The following RIT2 variants were observed in gnomAD, a reference collection of about 807,000 sequenced individuals.
RIT2 encodes Ras like without CAAX 2.
A neutral mutation model predicts 23.7 loss-of-function variants in RIT2; 24 were observed. The ratio of observed to expected loss-of-function variants is 1.01; its 90% CI spans 0.73 to 1.43. The LOEUF is 1.43. Among genes scored for constraint, RIT2 ranks in the 40% most tolerant of loss-of-function variants. RIT2 has a pLI of 0.00. For synonymous variants in RIT2, 107 were observed against 91.1 expected (o/e 1.17, Z -0.99); for missense variants, 236 against 266.9 (o/e 0.88, Z 0.81).
chr18:42,995,583 T>C (rs893177745), intron 2 of RIT2, among the ~76,000 whole-genome samples: 4 of 152,200 alleles, frequency 2.6e-5, no homozygotes, highest in African/African-American at 9.7e-5. Context: ...GAAACCTTTA[T>C]ATCCCTTACA....
At chr18:43,106,973 G>T (rs988180644) in intron 1 of RIT2, among the ~76,000 whole-genome samples, 2 of 152,162 alleles carry the variant, frequency 1.3e-5, no homozygotes, top group Admixed American at 1.3e-4. Flanking sequence ...GATGGGCTTT[G>T]CAAATAGCCA....
At chr18:42,795,007 T>A (rs556412115) in intron 4 of RIT2, among the ~76,000 whole-genome samples, 1 of 151,292 alleles carries the variant, frequency 6.6e-6, no homozygotes, top group Non-Finnish European at 1.5e-5. Flanking sequence ...AATGTTTTTC[T>A]TTTTTTGAAA....
intron 1 of RIT2, among the ~76,000 whole-genome samples, chr18:43,079,967 A>G (rs1192285431): frequency 6.6e-6 from 1 of 152,230 alleles, no homozygotes; most frequent in Non-Finnish European, 1.5e-5. Flanking sequence ...ACATGTGATG[A>G]CAGTTGCTAT....
intron 1 of RIT2, among the ~76,000 whole-genome samples, chr18:43,062,552 C>T (rs1912672599): frequency 6.6e-6 from 1 of 152,160 alleles, no homozygotes; most frequent in Non-Finnish European, 1.5e-5. Flanking sequence ...TATGAATTCT[C>T]AAATTGCATA....
rs2144054561 is a variant in RIT2 at position 42,864,908 on chromosome 18, T to C, written c.426+58664A>G. On this transcript the variant is annotated intron_variant, in intron 4 of 4. Transcript: ENST00000326695. ...ATCTTTGCCTATGTATGGAAATGTA[T>C]GCCTTGTATAAAAAGCCCCAACCAC... is the stretch of plus-strand genomic sequence containing the variant. Among the ~76,000 whole-genome samples the C allele has an allele frequency of 2.0e-5, 3 of 152,290 alleles. No individual in the cohort carries two copies. The South Asian group carries it at 6.2e-4, about 32-fold the overall frequency.
chr18:42,841,691 T>C (rs1906772408), intron 4 of RIT2, among the ~76,000 whole-genome samples: 1 of 152,198 alleles, frequency 6.6e-6, no homozygotes, highest in Non-Finnish European at 1.5e-5. Context: ...GAAATAAGTT[T>C]ATTAATTTAG....
intron 3 of RIT2, among the ~76,000 whole-genome samples, chr18:42,955,798 A>T (rs1347327832): frequency 6.6e-6 from 1 of 152,132 alleles, no homozygotes; most frequent in African/African-American, 2.4e-5. Flanking sequence ...TAAGTCCAAA[A>T]CATTTACTTC....
chr18:43,039,900 A>T (rs1159889089), intron 1 of RIT2, among the ~76,000 whole-genome samples: 1 of 152,166 alleles, frequency 6.6e-6, no homozygotes, highest in Non-Finnish European at 1.5e-5. Flanking sequence ...TAATTTTTTC[A>T]TGGAGAATTT....
chr18:42,766,694 C>T (rs1387496183), intron 4 of RIT2, among the ~76,000 whole-genome samples: 2 of 152,184 alleles, frequency 1.3e-5, no homozygotes, highest in Non-Finnish European at 2.9e-5. Flanking sequence ...GTCTCCAGGC[C>T]ATGTCAGAGA....
chr18:42,786,393 A>T (rs2143939781), intron 4 of RIT2, among the ~76,000 whole-genome samples: 1 of 152,322 alleles, frequency 6.6e-6, no homozygotes, highest in South Asian at 2.1e-4. Context: ...AAGTAAATAT[A>T]TTTATAGAAT....
chr18:43,100,917 A>G (rs1913667717), intron 1 of RIT2, among the ~76,000 whole-genome samples: 1 of 152,012 alleles, frequency 6.6e-6, no homozygotes, highest in South Asian at 2.1e-4. Context: ...GAGACTACGT[A>G]GGTGATCTTT....
At chr18:42,994,204 C>A (rs1043240493) in intron 2 of RIT2, among the ~76,000 whole-genome samples, 4 of 152,142 alleles carry the variant, frequency 2.6e-5, no homozygotes, top group African/African-American at 9.7e-5. Flanking sequence ...ACCTTGACAC[C>A]CACCAGGCTC....
chr18:42,763,100 T>G (rs1287542083), intron 4 of RIT2, among the ~76,000 whole-genome samples: 2 of 152,170 alleles, frequency 1.3e-5, no homozygotes, highest in Non-Finnish European at 2.9e-5. Flanking sequence ...TGGGCAATTG[T>G]AGCACAATAG....
intron 1 of RIT2, among the ~76,000 whole-genome samples, chr18:43,075,286 G>GT (rs1188275149): frequency 6.6e-6 from 1 of 151,964 alleles, no homozygotes; most frequent in Non-Finnish European, 1.5e-5. Flanking sequence ...ATAAAAATCA[G>GT]TTTTTTCACA....
At chr18:42,975,361 G>A (rs553439196) in intron 2 of RIT2, among the ~76,000 whole-genome samples, 4 of 152,124 alleles carry the variant, frequency 2.6e-5, no homozygotes, top group Admixed American at 1.3e-4. Context: ...TTGTATCCCA[G>A]GGATGAGGCC....
chr18:42,905,977 A>AATATATAT (rs1186458445), intron 4 of RIT2, among the ~76,000 whole-genome samples: 1 of 134,616 alleles, frequency 7.4e-6, no homozygotes, highest in African/African-American at 2.8e-5. Flanking sequence ...AGCAAATTGA[A>AATATATAT]ATATATATAT....
intron 2 of RIT2, among the ~76,000 whole-genome samples, chr18:42,992,005 T>C (rs1910862710): frequency 6.6e-6 from 1 of 152,072 alleles, no homozygotes; most frequent in Non-Finnish European, 1.5e-5. Context: ...CGACCTCTTA[T>C]GTCTGTGCCC....
intron 3 of RIT2, among the ~76,000 whole-genome samples, chr18:42,928,449 T>G (rs1909238277): frequency 6.6e-6 from 1 of 152,068 alleles, no homozygotes; most frequent in African/African-American, 2.4e-5. Context: ...AGATTATGTA[T>G]AGTCACTCTT....
chr18:43,073,949 T>C (rs1201000628), intron 1 of RIT2, among the ~76,000 whole-genome samples: 1 of 152,074 alleles, frequency 6.6e-6, no homozygotes, highest in Non-Finnish European at 1.5e-5. Context: ...AGAGAAAATG[T>C]TGTTATCAAT....
Sources: gnomAD v4.1 joint callset for allele counts (sites outside exome capture counted in the v4.1 genomes callset) on GRCh38, gnomAD v4.1.1 for gene constraint, MANE v1.5 for transcripts, NCBI Gene and HGNC (gene_info 2026-07-23, HGNC 2026-07-21) for gene names.